The following ADGRL2 variants were observed in gnomAD, a reference collection of about 807,000 sequenced individuals.
ADGRL2 encodes adhesion G protein-coupled receptor L2.
ADGRL2 carries 44 observed loss-of-function variants against 157.4 expected under a neutral mutation model. The observed-to-expected ratio is 0.28, with a 90% CI of 0.22 to 0.36. The LOEUF is 0.36. Ranked by LOEUF, ADGRL2 falls within the 10% of genes least tolerant of loss-of-function variation. The pLI is 1.00. For missense variants in ADGRL2, 1,510 were observed against 1,768.9 expected (o/e 0.85, Z 2.63); for synonymous variants, 585 against 624.7 (o/e 0.94, Z 0.95).
intron 1 of ADGRL2, among the ~76,000 whole-genome samples, chr1:81,412,259 G>A (rs1557669454): frequency 1.3e-5 from 2 of 152,086 alleles, no homozygotes; most frequent in Non-Finnish European, 2.9e-5. Context: ...TAACCACCAA[G>A]CTTTATTGCC....
rs1277426233 is a variant in ADGRL2, at chr1:81,462,868, A to G, written c.-248+17779A>G. 5.3e-5 allele frequency among the ~76,000 whole-genome samples: 8 copies of G among 152,148 alleles called. No homozygotes were observed. The East Asian group carries it at 1.5e-3, about 29-fold the overall frequency. Reference sequence around the variant, plus strand: ...AGTGGCTCATGCCTATAATCCCAGCACTTTGGGAGGCCGAGGCGGGTGGAT... The same window carrying G: ...AGTGGCTCATGCCTATAATCCCAGCGCTTTGGGAGGCCGAGGCGGGTGGAT... On this transcript the variant is annotated intron_variant, in intron 2 of 24. Transcript: ENST00000370721.
chr1:81,506,778 G>A (rs2148055755), intron 2 of ADGRL2, among the ~76,000 whole-genome samples: 1 of 152,108 alleles, frequency 6.6e-6, no homozygotes. Flanking sequence ...AAATTGTTGA[G>A]TTACCAAAGG....
chr1:81,347,780 A>T (rs1218312575), intron 1 of ADGRL2, among the ~76,000 whole-genome samples: 3 of 152,192 alleles, frequency 2.0e-5, no homozygotes, highest in Admixed American at 6.5e-5. Context: ...TCACGGACTT[A>T]ATCAGGCATC....
intron 1 of ADGRL2, among the ~76,000 whole-genome samples, chr1:81,406,240 A>G (rs2076851846): frequency 1.3e-5 from 2 of 152,172 alleles, no homozygotes; most frequent in South Asian, 4.1e-4. Context: ...TAAGGGCTTC[A>G]CAATAGAATT....
At chr1:81,980,722 A>AAG in intron 18 of ADGRL2, 1 of 594,358 alleles carries the variant, frequency 1.7e-6, no homozygotes, top group Non-Finnish European at 3.2e-6. Context: ...GTTGCATGGT[A>AAG]AGAGAGAGAG....
At chr1:81,654,623 G>A (rs1039769780) in intron 3 of ADGRL2, among the ~76,000 whole-genome samples, 14 of 152,114 alleles carry the variant, frequency 9.2e-5, no homozygotes, top group Admixed American at 1.3e-4. Flanking sequence ...TTCATGCTTT[G>A]GCTTCAAACT....
At chr1:81,403,410 G>A (rs1008469991) in intron 1 of ADGRL2, among the ~76,000 whole-genome samples, 2 of 152,040 alleles carry the variant, frequency 1.3e-5, no homozygotes, top group Admixed American at 6.6e-5. Context: ...GCCTACAGGT[G>A]AGTACCACCC....
intron 1 of ADGRL2, among the ~76,000 whole-genome samples, chr1:81,404,153 A>G (rs2076812797): frequency 6.6e-6 from 1 of 152,158 alleles, no homozygotes; most frequent in Non-Finnish European, 1.5e-5. Context: ...GTTAAATATT[A>G]GTTCACTCTA....
At chr1:81,394,203 G>T (rs947827020) in intron 1 of ADGRL2, among the ~76,000 whole-genome samples, 2 of 152,018 alleles carry the variant, frequency 1.3e-5, no homozygotes, top group Non-Finnish European at 2.9e-5. Context: ...ATTTATTATA[G>T]ATTCTGACTA....
chr1:81,921,941 A>G (rs139480598), intron 3 of ADGRL2, among the ~76,000 whole-genome samples: 1,756 of 152,292 alleles, frequency 0.012, 34 homozygotes, highest in African/African-American at 0.04. Context: ...ACAACTGGTA[A>G]GAATATATTA....
intron 1 of ADGRL2, among the ~76,000 whole-genome samples, chr1:81,359,914 C>T (rs1443188982): frequency 6.6e-6 from 1 of 151,996 alleles, no homozygotes; most frequent in African/African-American, 2.4e-5. Flanking sequence ...TTTAGGCCTA[C>T]TTTCAAAATG....
intron 6 of ADGRL2, among the ~76,000 whole-genome samples, chr1:81,947,906 A>C (rs999936947): frequency 2.0e-5 from 3 of 152,038 alleles, no homozygotes; most frequent in African/African-American, 7.2e-5. Flanking sequence ...GATTCCCTTT[A>C]ATCTATTTTG....
chr1:81,380,696 C>T (rs2076329360), intron 1 of ADGRL2, among the ~76,000 whole-genome samples: 1 of 152,148 alleles, frequency 6.6e-6, no homozygotes, highest in Admixed American at 6.5e-5. Flanking sequence ...ACATCTATTG[C>T]TAAGCTATTT....
At chr1:81,650,147 T>C (rs1247786776) in intron 3 of ADGRL2, among the ~76,000 whole-genome samples, 7 of 152,004 alleles carry the variant, frequency 4.6e-5, no homozygotes, top group African/African-American at 1.2e-4. Context: ...TAGACGATAG[T>C]AAACTGGGAC....
intron 2 of ADGRL2, among the ~76,000 whole-genome samples, chr1:81,884,459 G>C (rs1018127201): frequency 2.0e-5 from 3 of 152,066 alleles, no homozygotes; most frequent in Non-Finnish European, 4.4e-5. Context: ...TCCAAAATTG[G>C]ACAATTTCCT....
chr1:81,943,414 G>C lies in ADGRL2; in HGVS notation c.855G>C (p.Gln285His). 2.5e-6 allele frequency: 4 copies of C among 1,613,694 alleles called. No homozygotes were observed. The highest frequency in any genetic ancestry group is 3.4e-6 in the Non-Finnish European group (4 of 1,179,752). Residue 285 changes from glutamine (Q) to histidine (H), a missense_variant, in exon 6 of 24, where the codon CAG becomes CAC. Transcript: ENST00000686636. The surrounding 1 kb of genome is among the most constrained non-coding windows in gnomAD (Gnocchi z 5.6). The part of the protein sequence containing the change: ...NGLWVIYATE[Q>H]NNGMIVISQL... Reference sequence around the variant, plus strand: ...TATGGGTCATTTACGCCACTGAACAGAACAATGGAATGATAGTTATTAGCC... The same window carrying C: ...TATGGGTCATTTACGCCACTGAACACAACAATGGAATGATAGTTATTAGCC...
chr1:81,938,396 C>G (rs951776483), intron 4 of ADGRL2, among the ~76,000 whole-genome samples: 1 of 151,698 alleles, frequency 6.6e-6, no homozygotes, highest in East Asian at 1.9e-4. Flanking sequence ...CAGTGTTAAG[C>G]AAATATTATT....
intron 1 of ADGRL2, among the ~76,000 whole-genome samples, chr1:81,700,005 A>T (rs2083528396): frequency 1.3e-5 from 2 of 152,190 alleles, no homozygotes; most frequent in Non-Finnish European, 2.9e-5. Context: ...AGCTGTCGGT[A>T]CAGTTTCTGG....
At chr1:81,481,034 AAAAT>A (rs2078375780) in intron 2 of ADGRL2, among the ~76,000 whole-genome samples, 1 of 152,202 alleles carries the variant, frequency 6.6e-6, no homozygotes. Context: ...ATTGGAGTTG[AAAAT>A]AAATACAAAT....
Sources: allele counts gnomAD v4.1 joint callset (sites outside exome capture counted in the v4.1 genomes callset), GRCh38; gene constraint gnomAD v4.1.1; non-coding constraint Gnocchi (gnomAD v3.1); transcripts MANE v1.5; gene names NCBI Gene and HGNC (gene_info 2026-07-23, HGNC 2026-07-21).